Variants in HS3ST4 observed in about 807,000 individuals in gnomAD.
HS3ST4 encodes the protein heparan sulfate glucosamine 3-O-sulfotransferase 4.
In HS3ST4, 17 loss-of-function variants were observed where a neutral mutation model predicts 29.2. That is an observed-to-expected ratio of 0.58 (90% CI 0.40 to 0.87). HS3ST4 has a LOEUF of 0.87. HS3ST4 is among the 40% of genes least tolerant of loss of function. The pLI is 0.00. For missense variants in HS3ST4, 627 were observed against 634.5 expected (o/e 0.99, Z 0.13); for synonymous variants, 314 against 285.7 (o/e 1.10, Z -1.00).
At chr16:25,989,031 T>A (rs1197985112) in intron 1 of HS3ST4, among the ~76,000 whole-genome samples, 1 of 152,024 alleles carries the variant, frequency 6.6e-6, no homozygotes, top group Non-Finnish European at 1.5e-5. Context: ...ACTGGTATGG[T>A]GTGGTTGAAG....
At chr16:26,093,736 C>T (rs7196570) in intron 1 of HS3ST4, among the ~76,000 whole-genome samples, 82,157 of 151,992 alleles carry the variant, frequency 0.54, 22,942 homozygotes, top group African/African-American at 0.67. Flanking sequence ...TTGCCAGCAA[C>T]GGAACAAAGC....
chr16:25,693,020 C>T lies in HS3ST4; in HGVS notation c.603C>T (p.Leu201=), dbSNP rs1452322190. The change falls in exon 1 of 2, where the codon CTC becomes CTT. Residue 201 remains leucine (L), a synonymous_variant. Coordinates refer to ENST00000331351, the MANE Select transcript of HS3ST4 (RefSeq NM_006040.3). The part of the protein sequence containing the change: ...DYGEKKLPQA[L]IIGVKKGGTR... The stretch of plus-strand genomic sequence containing the variant: ...GGGAGAAGAAGCTGCCACAGGCGCT[C>T]ATCATCGGGGTCAAGAAAGGAGGGA... The T allele has an allele frequency of 5.6e-6, 9 of 1,611,384 alleles. No homozygotes were observed. The Admixed American group carries it at 1.2e-4, about 21-fold the overall frequency.
intron 1 of HS3ST4, among the ~76,000 whole-genome samples, chr16:25,706,352 T>C (rs16975129): frequency 0.038 from 5,852 of 152,246 alleles, 357 homozygotes; most frequent in African/African-American, 0.13. Context: ...CTTCTAGTTG[T>C]CTGCCTAACA....
intron 1 of HS3ST4, among the ~76,000 whole-genome samples, chr16:25,712,192 C>T (rs1411412498): frequency 6.6e-6 from 1 of 152,006 alleles, no homozygotes; most frequent in East Asian, 1.9e-4. Context: ...TTGAGCCTGA[C>T]CACACATGAA....
intron 1 of HS3ST4, among the ~76,000 whole-genome samples, chr16:26,034,909 G>A (rs1447389931): frequency 6.6e-6 from 1 of 152,176 alleles, no homozygotes; most frequent in Non-Finnish European, 1.5e-5. Context: ...TTTGAGCCCA[G>A]GAGGCAGATC....
chr16:26,092,757 C>A (rs934738274), intron 1 of HS3ST4, among the ~76,000 whole-genome samples: 16 of 152,106 alleles, frequency 1.1e-4, no homozygotes, highest in African/African-American at 3.9e-4. Context: ...AGGTGCAGCC[C>A]ACGGAGGGTG....
At chr16:25,697,888 G>T (rs1966309303) in intron 1 of HS3ST4, among the ~76,000 whole-genome samples, 1 of 152,016 alleles carries the variant, frequency 6.6e-6, no homozygotes, top group African/African-American at 2.4e-5. Context: ...GGCCAGGATG[G>T]TCTCGATCGC....
intron 1 of HS3ST4, among the ~76,000 whole-genome samples, chr16:25,958,080 TGTGCC>T (rs1172787172): frequency 6.6e-6 from 1 of 152,174 alleles, no homozygotes; most frequent in East Asian, 1.9e-4. Flanking sequence ...ATACCTACTG[TGTGCC>T]AACCACTGTT....
intron 1 of HS3ST4, among the ~76,000 whole-genome samples, chr16:26,117,128 C>T (rs1237813664): frequency 2.0e-5 from 3 of 152,182 alleles, no homozygotes; most frequent in Non-Finnish European, 2.9e-5. Flanking sequence ...CCATCACATA[C>T]GTATTGAGTT....
At chr16:26,069,272 G>A (rs1898575691) in intron 1 of HS3ST4, among the ~76,000 whole-genome samples, 1 of 152,226 alleles carries the variant, frequency 6.6e-6, no homozygotes, top group African/African-American at 2.4e-5. Flanking sequence ...AAAATGGGAT[G>A]TTGCAGCCTC....
Position 26,071,984 on chromosome 16 carries a change from G to A in HS3ST4, c.735-63628G>A, listed in dbSNP as rs116847180. ...AAATGACTCTCCCATCTTCTCCTCC[G>A]ATGGGCCCTTCACATCTATGAAGTA... On this transcript the variant is annotated intron_variant, in intron 1 of 1. Coordinates refer to ENST00000331351, the MANE Select transcript of HS3ST4 (RefSeq NM_006040.3). 3.8e-3 allele frequency among the ~76,000 whole-genome samples: 575 copies of A among 152,198 alleles called. 4 individuals carry two copies. The highest frequency in any genetic ancestry group is 0.017 in the Middle Eastern group (5 of 292).
chr16:25,893,230 A>G (rs1360831437), intron 1 of HS3ST4, among the ~76,000 whole-genome samples: 1 of 152,216 alleles, frequency 6.6e-6, no homozygotes, highest in East Asian at 1.9e-4. Flanking sequence ...GTCATGTGAG[A>G]ACTGCGAGAA....
chr16:25,965,898 C>T lies in HS3ST4; in HGVS notation c.735-169714C>T, dbSNP rs540016333. Among the ~76,000 whole-genome samples the T allele has an allele frequency of 1.2e-3, 186 of 152,236 alleles. 1 individual carries two copies. The highest frequency in any genetic ancestry group is 4.4e-3 in the African/African-American group (181 of 41,534). On this transcript the variant is annotated intron_variant, in intron 1 of 1. Transcript: ENST00000331351. ...ATTGCTGTGTTTCCCAGGCTGGTCT[C>T]GAACTCCGTTGCTCAAGTGATCCTC...
intron 1 of HS3ST4, among the ~76,000 whole-genome samples, chr16:25,791,873 A>G (rs1397660815): frequency 1.3e-5 from 2 of 151,888 alleles, no homozygotes; most frequent in African/African-American, 4.8e-5. Flanking sequence ...TTCTTGTCTT[A>G]TGGCACCATA....
chr16:26,130,332 C>T (rs1039884875), intron 1 of HS3ST4, among the ~76,000 whole-genome samples: 2 of 152,132 alleles, frequency 1.3e-5, no homozygotes, highest in Non-Finnish European at 2.9e-5. Context: ...AAGTCAGAAA[C>T]GCTGAACCCC....
At chr16:25,806,608 T>C (rs968304770) in intron 1 of HS3ST4, among the ~76,000 whole-genome samples, 1 of 152,234 alleles carries the variant, frequency 6.6e-6, no homozygotes, top group Non-Finnish European at 1.5e-5. Flanking sequence ...GCTCATTTTT[T>C]TTAATTGAAC....
At chr16:25,859,868 A>T (rs1463913274) in intron 1 of HS3ST4, among the ~76,000 whole-genome samples, 2 of 152,182 alleles carry the variant, frequency 1.3e-5, no homozygotes, top group African/African-American at 4.8e-5. Context: ...GCCATGGACC[A>T]GTAGGAGTCT....
chr16:25,999,543 T>C (rs532843475), intron 1 of HS3ST4, among the ~76,000 whole-genome samples: 1 of 151,698 alleles, frequency 6.6e-6, no homozygotes, highest in South Asian at 2.1e-4. Flanking sequence ...GTAATTTTTG[T>C]TTTTATCTTT....
chr16:26,035,045 A>G (rs1005792627), intron 1 of HS3ST4, among the ~76,000 whole-genome samples: 13 of 152,352 alleles, frequency 8.5e-5, no homozygotes, highest in African/African-American at 2.9e-4. Context: ...CTCTTTGGCC[A>G]TCTCTGTGCA....
Sources: allele counts gnomAD v4.1 joint callset (sites outside exome capture counted in the v4.1 genomes callset), GRCh38; gene constraint gnomAD v4.1.1; transcripts MANE v1.5; gene names NCBI Gene and HGNC (gene_info 2026-07-23, HGNC 2026-07-21).